Variants in NR2F1-AS1 observed in about 807,000 individuals in gnomAD.
The protein encoded by NR2F1-AS1 is NR2F1 antisense RNA 1.
chr5:93,562,183 C>CAAAAAAAAAAA (rs750644394), intron 2 of NR2F1-AS1, among the ~76,000 whole-genome samples: 2 of 50,614 alleles, frequency 4.0e-5, no homozygotes, highest in Non-Finnish European at 8.5e-5. Context: ...CCCATCTCTA[C>CAAAAAAAAAAA]AAAAAAAAAA....
chr5:93,509,157 G>A (rs1332918687), intron 4 of NR2F1-AS1, among the ~76,000 whole-genome samples: 1 of 152,002 alleles, frequency 6.6e-6, no homozygotes, highest in African/African-American at 2.4e-5. Context: ...CTGAGAAAAG[G>A]ATACTATGTG....
intron 4 of NR2F1-AS1, among the ~76,000 whole-genome samples, chr5:93,496,933 A>T (rs973816813): frequency 6.6e-6 from 1 of 152,234 alleles, no homozygotes; most frequent in Non-Finnish European, 1.5e-5. Context: ...CTGTGAATAC[A>T]GAAAACATCT....
intron 4 of NR2F1-AS1, among the ~76,000 whole-genome samples, chr5:93,486,481 C>A (rs989571687): frequency 6.6e-6 from 1 of 152,078 alleles, no homozygotes; most frequent in East Asian, 1.9e-4. Context: ...CGCAAATAAA[C>A]TAGAAAATCT....
At chr5:93,447,683 G>A (rs1305827473) in intron 4 of NR2F1-AS1, among the ~76,000 whole-genome samples, 1 of 152,160 alleles carries the variant, frequency 6.6e-6, no homozygotes, top group African/African-American at 2.4e-5. Context: ...TATACCATTT[G>A]ACCCAGCCAT....
At chr5:93,511,775 G>A (rs1751300266) in intron 4 of NR2F1-AS1, among the ~76,000 whole-genome samples, 2 of 152,080 alleles carry the variant, frequency 1.3e-5, no homozygotes, top group African/African-American at 4.8e-5. Flanking sequence ...ATTCTTACAG[G>A]AGCACAAACC....
At chr5:93,426,304 T>C (rs1181938532) in intron 4 of NR2F1-AS1, among the ~76,000 whole-genome samples, 1 of 152,076 alleles carries the variant, frequency 6.6e-6, no homozygotes, top group African/African-American at 2.4e-5. Flanking sequence ...CACCTTGACC[T>C]CCCAAAGTGC....
chr5:93,501,335 T>C (rs1751074691), intron 4 of NR2F1-AS1, among the ~76,000 whole-genome samples: 1 of 130,616 alleles, frequency 7.7e-6, no homozygotes, highest in African/African-American at 3.3e-5. Context: ...GTTGTTGTTG[T>C]TGTTGTTGTT....
chr5:93,515,046 G>T (rs1419081565), intron 4 of NR2F1-AS1, among the ~76,000 whole-genome samples: 1 of 151,676 alleles, frequency 6.6e-6, no homozygotes, highest in Non-Finnish European at 1.5e-5. Flanking sequence ...ACTTTATTTG[G>T]CAAGCTTCTT....
intron 4 of NR2F1-AS1, among the ~76,000 whole-genome samples, chr5:93,523,960 C>A (rs1454596747): frequency 6.6e-6 from 1 of 152,046 alleles, no homozygotes; most frequent in Non-Finnish European, 1.5e-5. Context: ...TCCAAAGGAT[C>A]ACAACTCCTC....
chr5:93,415,886 T>C (rs1182608002), intron 4 of NR2F1-AS1, among the ~76,000 whole-genome samples: 1 of 152,236 alleles, frequency 6.6e-6, no homozygotes, highest in African/African-American at 2.4e-5. Flanking sequence ...AAAAATAGCA[T>C]GGATGAGAGT....
At chr5:93,546,347 TC>T (rs1752086636) in intron 4 of NR2F1-AS1, among the ~76,000 whole-genome samples, 1 of 152,124 alleles carries the variant, frequency 6.6e-6, no homozygotes, top group Non-Finnish European at 1.5e-5. Flanking sequence ...AAAACTCTTC[TC>T]AAAAATTTCT....
chr5:93,446,769 A>ATTTTG (rs1749719159), intron 4 of NR2F1-AS1, among the ~76,000 whole-genome samples: 1 of 152,178 alleles, frequency 6.6e-6, no homozygotes, highest in Non-Finnish European at 1.5e-5. Context: ...AAAAGAACAA[A>ATTTTG]GCTGGAGACA....
At chr5:93,530,302 T>C (rs1360310877) in intron 4 of NR2F1-AS1, among the ~76,000 whole-genome samples, 1 of 152,228 alleles carries the variant, frequency 6.6e-6, no homozygotes, top group African/African-American at 2.4e-5. Context: ...GGAGAGTCTC[T>C]TGATCTCCTG....
rs77660301 is a variant in NR2F1-AS1, at chr5:93,550,647, C to T, written n.638+3114G>A. Among the ~76,000 whole-genome samples, 826 of 152,246 alleles carry T rather than the reference C, an allele frequency of 5.4e-3. 8 individuals carry two copies. The highest frequency in any genetic ancestry group is 0.017 in the Middle Eastern group (5 of 294). Reference sequence around the variant, plus strand: ...AGACTTTTTTTAATCTGAAAAATAACATCATCACTGTGGATTCCACCCTGA... The same window carrying T: ...AGACTTTTTTTAATCTGAAAAATAATATCATCACTGTGGATTCCACCCTGA... On this transcript the variant is annotated intron_variant and non_coding_transcript_variant, in intron 4 of 5. Coordinates refer to ENST00000660523, the Ensembl canonical transcript of NR2F1-AS1.
At chr5:93,584,702 G>C (rs369434754), upstream of NR2F1-AS1, 160 of 149,598 alleles carry the variant, frequency 1.1e-3, 4 homozygotes, top group South Asian at 0.022. Flanking sequence ...AGGGGTGTTG[G>C]GGGGGGAGCC....
At chr5:93,414,639 A>T (rs1748930378) in intron 4 of NR2F1-AS1, among the ~76,000 whole-genome samples, 1 of 152,114 alleles carries the variant, frequency 6.6e-6, no homozygotes, top group East Asian at 1.9e-4. Context: ...TTGCCACTAT[A>T]TCAGGGTTGG....
intron 4 of NR2F1-AS1, among the ~76,000 whole-genome samples, chr5:93,513,457 T>G (rs1245757400): frequency 6.6e-6 from 1 of 152,172 alleles, no homozygotes; most frequent in Non-Finnish European, 1.5e-5. Context: ...ATGTGGTATA[T>G]ACATACCATG....
intron 4 of NR2F1-AS1, among the ~76,000 whole-genome samples, chr5:93,535,117 C>A (rs1048579470): frequency 1.4e-4 from 21 of 149,002 alleles, no homozygotes; most frequent in Non-Finnish European, 2.4e-4. Flanking sequence ...AGAGATTTTA[C>A]AAAGCTATCC....
chr5:93,438,956 T>C (rs1428131231), intron 4 of NR2F1-AS1, among the ~76,000 whole-genome samples: 1 of 152,242 alleles, frequency 6.6e-6, no homozygotes, highest in Non-Finnish European at 1.5e-5. Context: ...GTAAACTACC[T>C]CAATTGTAAT....
Sources: allele counts gnomAD v4.1 joint callset (sites outside exome capture counted in the v4.1 genomes callset), GRCh38; gene constraint gnomAD v4.1.1; transcripts MANE v1.5; gene names NCBI Gene and HGNC (gene_info 2026-07-23, HGNC 2026-07-21).